The following DRP2 variants were observed in gnomAD, a reference collection of about 807,000 sequenced individuals.
DRP2 encodes dystrophin related protein 2, also known as dystrophin-related protein 2.
In DRP2, 29 loss-of-function variants were observed where a neutral mutation model predicts 78.2. The observed-to-expected ratio is 0.37, with a 90% CI of 0.28 to 0.51. The LOEUF (loss-of-function observed/expected upper bound fraction) is 0.51. Among genes scored for constraint, DRP2 ranks in the 20% least tolerant of loss-of-function variants. DRP2 has a pLI of 0.94. For missense variants in DRP2, 686 were observed against 770.6 expected (o/e 0.89, Z 1.30); for synonymous variants, 290 against 281.9 (o/e 1.03, Z -0.29).
chrX:101,255,229 C>T lies in DRP2; in HGVS notation c.2226C>T (p.Ser742=). ...ESQNCSFFND[S]LSPDDSIDED... Reference sequence around the variant, plus strand: ...AAAATTGCTCCTTCTTTAATGACAGCTTGTCCCCAGATGACAGCATGTGAG... The same window carrying T: ...AAAATTGCTCCTTCTTTAATGACAGTTTGTCCCCAGATGACAGCATGTGAG... Residue 742 remains serine, a synonymous_variant, in exon 20 of 24, where the codon AGC becomes AGT. Coordinates refer to ENST00000395209, the MANE Select transcript of DRP2 (RefSeq NM_001939.3). 8.3e-7 allele frequency: 1 copy of T among 1,211,146 alleles called. No homozygotes were observed.
chrX:101,239,881 AT>A (rs1332282590), intron 6 of DRP2, among the ~76,000 whole-genome samples: 1 of 110,004 alleles, frequency 9.1e-6, no homozygotes, highest in Non-Finnish European at 1.9e-5. Flanking sequence ...CTGGCCCAAA[AT>A]TTTTTTTTAA....
At chrX:101,226,151 T>A (rs1922111063) in intron 2 of DRP2, among the ~76,000 whole-genome samples, 1 of 112,288 alleles carries the variant, frequency 8.9e-6, no homozygotes, top group Non-Finnish European at 1.9e-5. Flanking sequence ...AAGAGATCAT[T>A]TTGTATTGGC....
At chrX:101,251,106 GGAT>G (rs1373603530) in intron 16 of DRP2, 23 bp downstream of exon 16, 1 of 1,161,321 alleles carries the variant, frequency 8.6e-7, no homozygotes, top group African/African-American at 1.8e-5. Flanking sequence ...ATACCTGCTG[GGAT>G]GATAATAATA....
In DRP2 at chrX:101,238,405, T is replaced by A. The variant is rs775392392; in HGVS notation, c.439-576T>A. The stretch of plus-strand genomic sequence containing the variant: ...GGATACAAAAAGAGTATATACTGTA[T>A]GATTCCACTTATACAAAGTTTAAAA... On this transcript the variant is annotated intron_variant, in intron 5 of 23. Transcript: ENST00000395209. 2.8e-5 allele frequency among the ~76,000 whole-genome samples: 3 copies of A among 108,329 alleles called. No homozygotes were observed. The South Asian group carries it at 1.2e-3, about 44-fold the overall frequency. 94.1% of individuals were successfully genotyped at this position (108,329 alleles called of 115,157 possible). A position where few individuals can be genotyped will look rare whatever the true frequency, so the allele number is the denominator to read the frequency against.
intron 17 of DRP2, among the ~76,000 whole-genome samples, chrX:101,253,363 G>A (rs920987125): frequency 6.4e-5 from 7 of 109,517 alleles, no homozygotes; most frequent in Non-Finnish European, 1.3e-4. Context: ...AAAACCCACA[G>A]CTCCATGCTT....
chrX:101,244,061 G>A (rs1922840331), intron 9 of DRP2, among the ~76,000 whole-genome samples: 1 of 111,757 alleles, frequency 8.9e-6, no homozygotes, highest in Non-Finnish European at 1.9e-5. Flanking sequence ...TAGGCAATGG[G>A]AGGAACTTCA....
intron 3 of DRP2, among the ~76,000 whole-genome samples, chrX:101,234,151 G>T (rs1224961801): frequency 1.8e-5 from 2 of 112,716 alleles, no homozygotes; most frequent in Non-Finnish European, 3.8e-5. Context: ...TATTTTCCAA[G>T]CCCATCCTCT....
intron 18 of DRP2, 37 bp downstream of exon 18, chrX:101,254,598 C>T: frequency 8.3e-7 from 1 of 1,209,405 alleles, no homozygotes; most frequent in Non-Finnish European, 1.1e-6. Flanking sequence ...TGTGGGCAGC[C>T]TCACTGAGCC....
intron 2 of DRP2, among the ~76,000 whole-genome samples, chrX:101,225,416 G>C (rs758732385): frequency 9.0e-6 from 1 of 111,347 alleles, no homozygotes; most frequent in East Asian, 2.8e-4. Flanking sequence ...ACAACTGCCT[G>C]GGTACAAATC....
rs1333430770 is a variant in DRP2, at chrX:101,239,045, C to G, written c.503C>G (p.Ala168Gly). 2.5e-6 allele frequency: 3 copies of G among 1,209,027 alleles called. No homozygotes were observed. Among genetic ancestry groups the G allele is most frequent in the South Asian group, 3.5e-5 (2 of 56,696 alleles). ...TATTCTGTGCTGGAGTCAGCTCAGG[C>G]CTTCCTGTCCCAGCACCCATTTGAG... ...YIYSVLESAQ[A>G]FLSQHPFEEL... is the part of the protein sequence containing the mutation. Residue 168 changes from alanine (A) to glycine (G), a missense_variant, in exon 6 of 24, where the codon GCC becomes GGC. Physicochemically the swap from Ala to Gly is moderately conservative, Grantham distance 60. Coordinates refer to ENST00000395209, the MANE Select transcript of DRP2 (RefSeq NM_001939.3).
rs1389587306 is a variant in DRP2 at position 101,254,483 on chromosome X, C to G, written c.2036C>G (p.Ser679Cys). The change falls in exon 18 of 24, where the codon TCC (serine) becomes TGC (cysteine). Residue 679 changes from serine (S) to cysteine (C), a missense_variant. This residue lies in a region of DRP2 where 423 missense variants were observed against 531.5 expected (regional missense o/e 0.80). Transcript: ENST00000395209. ...ACAACCTTAAAGAACAAATTCCGCT[C>G]CAAGCATTATTTCAGCAAACACCCT... ...FATTLKNKFR[S>C]KHYFSKHPQR... The G allele has an allele frequency of 2.5e-6, 3 of 1,211,892 alleles. No homozygotes were observed. The highest frequency in any genetic ancestry group is 3.3e-6 in the Non-Finnish European group (3 of 895,538).
Position 101,235,897 on chromosome X carries a change from A to G in DRP2, c.155A>G (p.Asp52Gly). The G allele has an allele frequency of 8.3e-7, 1 of 1,211,022 alleles. No individual in the cohort carries two copies. Among genetic ancestry groups the G allele is most frequent in the Non-Finnish European group, 1.1e-6 (1 of 895,043 alleles). ...AAVTSPAPPQ[D>G]GAGVPCLSLK... ...GTCACCAGCCCTGCACCTCCTCAAG[A>G]TGGTGCTGGGGTTCCCTGCCTAAGC... The change falls in exon 4 of 24, where the codon GAT becomes GGT. Residue 52 changes from aspartate (D) to glycine (G), a missense_variant. Asp to Gly is a moderately conservative substitution (Grantham distance 94). Coordinates refer to ENST00000395209, the MANE Select transcript of DRP2 (RefSeq NM_001939.3).
Position 101,248,527 on chromosome X carries a change from A to G in DRP2, c.1468A>G (p.Lys490Glu). ...LNVFDSGRSG[K>E]MRALSFKTGI... ...TTTTAAACCTAGTGGTCGCAGCGGA[A>G]AGATGCGGGCATTGTCTTTTAAGAC... The change falls in exon 14 of 24, where the codon AAG (lysine) becomes GAG (glutamate). Residue 490 changes from lysine (K) to glutamate (E), a missense_variant. By Grantham distance (56) the Lys-to-Glu change is moderately conservative. Transcript: ENST00000395209. The G allele has an allele frequency of 8.3e-7, 1 of 1,211,817 alleles. No individual in the cohort carries two copies. The highest frequency in any genetic ancestry group is 1.1e-6 in the Non-Finnish European group (1 of 895,404).
At position 101,248,372 on chromosome X, in the gene DRP2, C is replaced by G; in HGVS notation, c.1454+82C>G. On this transcript the variant is annotated intron_variant, in intron 13 of 23. Coordinates refer to ENST00000395209, the MANE Select transcript of DRP2 (RefSeq NM_001939.3). ...TGGGCCTGGTGGGAAGGTGTTGCTC[C>G]CATAGTAGACTTGGACCCAGCTCAG... 4 of 1,116,618 alleles carry G rather than the reference C, an allele frequency of 3.6e-6. No homozygotes were observed. In the African/African-American group the frequency reaches 5.5e-5, roughly 15 times the overall value. 92.0% of individuals were successfully genotyped at this position (1,116,618 alleles called of 1,213,427 possible). A position where few individuals can be genotyped will look rare whatever the true frequency, so the allele number is the denominator to read the frequency against.
rs1403588985 is a variant in DRP2 at position 101,221,195 on chromosome X, A to T, written c.-167+1049A>T. On this transcript the variant is annotated intron_variant, in intron 1 of 23. Coordinates refer to ENST00000395209, the MANE Select transcript of DRP2 (RefSeq NM_001939.3). ...CTGTCTGGAAAAGAACATACTTTTT[A>T]AAAATGTTTTCTTTTTGATTGTCAA... Among the ~76,000 whole-genome samples, 6 of 112,779 alleles carry T rather than the reference A, an allele frequency of 5.3e-5. No homozygotes were observed. In the East Asian group the frequency reaches 1.7e-3, roughly 31 times the overall value.
chrX:101,260,247 G>T lies in DRP2; in HGVS notation c.2749+78G>T, dbSNP rs1422459356. ...TCGATTTCCTGCCCAAGGCTTTGCG[G>T]GGCTGGGACTGGTTTCTCCTCTTGG... On this transcript the variant is annotated intron_variant, in intron 23 of 23. Coordinates refer to ENST00000395209, the MANE Select transcript of DRP2 (RefSeq NM_001939.3). The T allele has an allele frequency of 6.9e-6, 8 of 1,157,366 alleles. No individual in the cohort carries two copies. The Admixed American group carries it at 1.9e-4, about 27-fold the overall frequency.
chrX:101,226,614 T>C (rs1922128466), intron 2 of DRP2, among the ~76,000 whole-genome samples: 1 of 111,095 alleles, frequency 9.0e-6, no homozygotes, highest in Non-Finnish European at 1.9e-5. Flanking sequence ...CCAGGAAGAG[T>C]ATTTGTAGTA....
At chrX:101,253,274 A>T (rs1923202274) in intron 17 of DRP2, among the ~76,000 whole-genome samples, 1 of 110,930 alleles carries the variant, frequency 9.0e-6, no homozygotes, top group Non-Finnish European at 1.9e-5. Context: ...CCTGGTAACC[A>T]TGTCCTCCAT....
At chrX:101,233,983 G>A (rs764342246) in intron 3 of DRP2, among the ~76,000 whole-genome samples, 98 of 111,757 alleles carry the variant, frequency 8.8e-4, no homozygotes, top group Non-Finnish European at 1.6e-3. Context: ...AGACTCTGAC[G>A]AATCTCCTGG....
Sources: allele counts gnomAD v4.1 joint callset (sites outside exome capture counted in the v4.1 genomes callset), GRCh38; gene constraint gnomAD v4.1.1; regional missense constraint gnomAD v4.1.1; transcripts MANE v1.5; gene names NCBI Gene and HGNC (gene_info 2026-07-23, HGNC 2026-07-21).